Variants in SZT2 observed in about 807,000 individuals in gnomAD.
The protein encoded by SZT2 is KICSTOR complex protein SZT2.
SZT2 carries 216 observed loss-of-function variants against 404.2 expected under a neutral mutation model. That is an observed-to-expected ratio of 0.53 (90% CI 0.48 to 0.60). SZT2 has a LOEUF of 0.60. Among genes scored for constraint, SZT2 ranks in the 20% least tolerant of loss-of-function variants. SZT2 has a pLI of 0.00. For missense variants in SZT2, 3,857 were observed against 4,459.2 expected, an observed-to-expected ratio of 0.86 and a Z score of 3.85; for synonymous variants, 1,693 against 1,749.9, an observed-to-expected ratio of 0.97 and a Z score of 0.81.
In SZT2 at chr1:43,450,458, C is replaced by T; in HGVS notation, c.10277C>T (p.Thr3426Ile). ...TCTGTCATCAACACAGCCTGTTTCACCCTCTGGACCCGCCTCCTCTGAGGG... is the reference window on the plus strand; with the variant it reads ...TCTGTCATCAACACAGCCTGTTTCATCCTCTGGACCCGCCTCCTCTGAGGG... ...LESVINTACF[T>I]LWTRLL Residue 3426 changes from threonine to isoleucine, a missense_variant, in exon 72 of 72, where the codon ACC becomes ATC. Around this residue, in one of 7 missense-constraint regions of SZT2, gnomAD observed 717 missense variants for 868.2 expected, o/e 0.83. Coordinates refer to ENST00000634258, the MANE Select transcript of SZT2 (RefSeq NM_001365999.1). The surrounding 1 kb of genome is among the most constrained non-coding windows in gnomAD (Gnocchi z 4.3). The T allele has an allele frequency of 6.2e-7, 1 of 1,614,132 alleles. No individual in the cohort carries two copies.
rs772931316 is a variant in SZT2, at chr1:43,422,826, A to G, written c.1980A>G (p.Pro660=). Residue 660 remains proline (P), a synonymous_variant, in exon 14 of 72, where the codon CCA becomes CCG. Coordinates refer to ENST00000634258, the MANE Select transcript of SZT2 (RefSeq NM_001365999.1). ...TGGTCCGTATCATTTCCAAGGCCCC[A>G]TGCATGGTTCTTCGCCTGGGTTTTC... The part of the protein sequence containing the change: ...FYMVRIISKA[P]CMVLRLGFPI... 1.9e-6 allele frequency: 3 copies of G among 1,594,216 alleles called. No homozygotes were observed. The highest frequency in any genetic ancestry group is 2.2e-5 in the East Asian group (1 of 44,724).
chr1:43,423,266 C>G lies in SZT2; in HGVS notation c.2205C>G (p.Asp735Glu). Residue 735 changes from aspartate (D) to glutamate (E), a missense_variant, in exon 15 of 72, where the codon GAC (aspartate) becomes GAG (glutamate). Asp to Glu is a conservative substitution (Grantham distance 45). Coordinates refer to ENST00000634258, the MANE Select transcript of SZT2 (RefSeq NM_001365999.1). Reference protein sequence around the residue: ...PVLGPQQALSDRPCLVVLHKP... With the variant: ...PVLGPQQALSERPCLVVLHKP... ...TGGGGCCACAGCAGGCCCTGTCTGA[C>G]CGGCCCTGCCTTGTGGTCCTGCATA... 8 of 1,574,008 alleles carry G rather than the reference C, an allele frequency of 5.1e-6. No individual in the cohort carries two copies. Among genetic ancestry groups the G allele is most frequent in the Non-Finnish European group, 6.9e-6 (8 of 1,167,674 alleles).
chr1:43,394,167 G>A, intron 1 of SZT2: 1 of 751,174 alleles, frequency 1.3e-6, no homozygotes, highest in South Asian at 6.0e-5. Context: ...GAATCACTTG[G>A]AGACCTTGTT....
rs747054096 is a variant in SZT2 at position 43,450,812 on chromosome 1, C to T, written c.*332C>T. 7.1e-6 allele frequency: 5 copies of T among 707,214 alleles called. No individual in the cohort carries two copies. The highest frequency in any genetic ancestry group is 1.3e-5 in the Non-Finnish European group (5 of 381,040). The allele number at this position is 707,214 out of a possible 1,614,324, so 43.8% of individuals were successfully genotyped here. A position where few individuals can be genotyped will look rare whatever the true frequency, so the allele number is the denominator to read the frequency against. ...ACAGGGTGGCAAACACCCCCTAGAG[C>T]TCCTCTGCCTGAATCCTGCCCCCTA... On this transcript the variant is annotated 3_prime_UTR_variant, in exon 72 of 72. Coordinates refer to ENST00000634258, the MANE Select transcript of SZT2 (RefSeq NM_001365999.1). This position sits in a 1 kb window ranked among gnomAD's most constrained non-coding sequence, Gnocchi z 4.3.
intron 4 of SZT2, among the ~76,000 whole-genome samples, chr1:43,408,084 G>T (rs140474301): frequency 1.3e-5 from 2 of 151,796 alleles, no homozygotes; most frequent in African/African-American, 4.8e-5. Flanking sequence ...TGCCCGCCTC[G>T]GCCTCCCAAA....
rs12090766 is a variant in SZT2 at position 43,433,547 on chromosome 1, C to T, written c.5804+357C>T. Among the ~76,000 whole-genome samples the T allele has an allele frequency of 2.5e-3, 382 of 152,236 alleles. 1 individual carries two copies. Among genetic ancestry groups the T allele is most frequent in the African/African-American group, 8.6e-3 (359 of 41,532 alleles). On this transcript the variant is annotated intron_variant, in intron 40 of 71. Transcript: ENST00000634258. ...CCGTAATCCCAGCACTTTGGGAGGC[C>T]GAGGCAGGCGGATCACTTGAGGTTA...
Position 43,416,567 on chromosome 1 carries a change from G to A in SZT2, c.805G>A (p.Val269Ile). The A allele has an allele frequency of 6.3e-7, 1 of 1,598,366 alleles. No homozygotes were observed. The highest frequency in any genetic ancestry group is 8.5e-7 in the Non-Finnish European group (1 of 1,179,786). Reference protein sequence around the residue: ...IIVITDGVTSVPDVAVCETLL... With the variant: ...IIVITDGVTSIPDVAVCETLL... ...CGTGATCACGGATGGGGTGACCAGTGTACCTGATGTTGCTGTCTGTGAGAC... is the reference window on the plus strand; with the variant it reads ...CGTGATCACGGATGGGGTGACCAGTATACCTGATGTTGCTGTCTGTGAGAC... Residue 269 changes from valine (V) to isoleucine (I), a missense_variant, in exon 7 of 72, where the codon GTA becomes ATA. This residue lies in a region of SZT2 where 536 missense variants were observed against 637.4 expected (regional missense o/e 0.84). Transcript: ENST00000634258.
rs72881967 is a variant in SZT2 at position 43,392,626 on chromosome 1, G to A, written c.27+2631G>A. On this transcript the variant is annotated intron_variant, in intron 1 of 71. Transcript: ENST00000634258. Reference sequence around the variant, plus strand: ...AGACGGGGTTTCACCGTGTTAGCCAGATAGTCTCAATCTCCTGTCCTCGTG... The same window carrying A: ...AGACGGGGTTTCACCGTGTTAGCCAAATAGTCTCAATCTCCTGTCCTCGTG... 7.1e-3 allele frequency among the ~76,000 whole-genome samples: 1,084 copies of A among 152,294 alleles called. 10 individuals carry two copies. The highest frequency in any genetic ancestry group is 0.025 in the African/African-American group (1,029 of 41,560).
Position 43,443,250 on chromosome 1 carries a change from G to A in SZT2, c.8482G>A (p.Ala2828Thr). The A allele has an allele frequency of 6.2e-7, 1 of 1,614,166 alleles. No homozygotes were observed. Among genetic ancestry groups the A allele is most frequent in the South Asian group, 1.1e-5 (1 of 91,072 alleles). ...AACCTGGCAGCAGCGTTCTACCCCA[G>A]CCACCATGCCCATCAGTGTGAGTGA... ...FVTWQQRSTPATMPISAGELE... is the reference protein window; with the variant it reads ...FVTWQQRSTPTTMPISAGELE... Residue 2828 changes from alanine to threonine, a missense_variant, in exon 60 of 72, where the codon GCC (alanine) becomes ACC (threonine). Physicochemically the swap from Ala to Thr is moderately conservative, Grantham distance 58. Transcript: ENST00000634258.
In SZT2 at chr1:43,428,099, A is replaced by G. The variant is rs775967418; in HGVS notation, c.3900A>G (p.Ala1300=). 67 of 1,613,988 alleles carry G rather than the reference A, an allele frequency of 4.2e-5. No individual in the cohort carries two copies. The highest frequency in any genetic ancestry group is 5.5e-5 in the Non-Finnish European group (65 of 1,179,986). The change falls in exon 27 of 72, where the codon GCA becomes GCG. Residue 1300 remains alanine (A), a synonymous_variant. Coordinates refer to ENST00000634258, the MANE Select transcript of SZT2 (RefSeq NM_001365999.1). ...ACTGTGCCCTGCTGCAGGAGCATGC[A>G]CAGCGGTGCTATGTCCGTGGTGAGC... The part of the protein sequence containing the change: ...ANHCALLQEH[A]QRCYVRGLFR...
At chr1:43,422,657 C>CCCA in intron 13 of SZT2, 25 bp downstream of exon 13, 1 of 1,250,820 alleles carries the variant, frequency 8.0e-7, no homozygotes, top group South Asian at 1.4e-5. Context: ...GTCCCTTCAC[C>CCCA]CCCCGCCCCC....
intron 1 of SZT2, among the ~76,000 whole-genome samples, chr1:43,400,629 C>T (rs780392524): frequency 3.3e-5 from 5 of 152,132 alleles, no homozygotes; most frequent in Admixed American, 1.3e-4. Context: ...CCCAGCACCT[C>T]GGAAGGCCAA....
intron 42 of SZT2, 141 bp downstream of exon 42, chr1:43,435,470 G>A: frequency 2.1e-6 from 2 of 934,044 alleles, no homozygotes; most frequent in Non-Finnish European, 3.1e-6. Context: ...AAGGAGGATA[G>A]GACAGGAAAG....
rs139371901 is a variant in SZT2, at chr1:43,450,338, C to G, written c.10157C>G (p.Ser3386Cys). Residue 3386 changes from serine to cysteine, a missense_variant and splice_region_variant, in exon 72 of 72, where the codon TCT becomes TGT. This residue lies in a region of SZT2 where 717 missense variants were observed against 868.2 expected (regional missense o/e 0.83). Coordinates refer to ENST00000634258, the MANE Select transcript of SZT2 (RefSeq NM_001365999.1). The surrounding 1 kb of genome is among the most constrained non-coding windows in gnomAD (Gnocchi z 4.3). ...VFLDSHLGKT[S>C]LTVVFREPFP... Reference sequence around the variant, plus strand: ...GCATCCCCACCGTGTTCCCCACAGTCTCTGACAGTGGTTTTCCGAGAGCCC... The same window carrying G: ...GCATCCCCACCGTGTTCCCCACAGTGTCTGACAGTGGTTTTCCGAGAGCCC... 2.2e-5 allele frequency: 36 copies of G among 1,613,984 alleles called. No homozygotes were observed. The highest frequency in any genetic ancestry group is 3.1e-5 in the Non-Finnish European group (36 of 1,180,008).
intron 65 of SZT2, 122 bp downstream of exon 65, chr1:43,446,538 C>G (rs935784701): frequency 4.2e-6 from 5 of 1,193,840 alleles, no homozygotes; most frequent in Non-Finnish European, 6.0e-6. Context: ...GTGATTGATT[C>G]ACTGCTATGG....
chr1:43,432,614 G>A lies in SZT2; in HGVS notation c.5530+10G>A, dbSNP rs777668992. On this transcript the variant is annotated intron_variant, in intron 38 of 71. Coordinates refer to ENST00000634258, the MANE Select transcript of SZT2 (RefSeq NM_001365999.1). ...CGCGTGCCACAGGGAGGTAAGAGAG[G>A]ACTTGGGCAGCAGTCTGGAGGCCAG... 1 of 1,613,876 alleles carries A rather than the reference G, an allele frequency of 6.2e-7. No homozygotes were observed. The highest frequency in any genetic ancestry group is 1.1e-5 in the South Asian group (1 of 91,056).
chr1:43,441,623 C>T lies in SZT2; in HGVS notation c.7609+22C>T. The T allele has an allele frequency of 6.2e-7, 1 of 1,613,986 alleles. No homozygotes were observed. The highest frequency in any genetic ancestry group is 8.5e-7 in the Non-Finnish European group (1 of 1,179,922). ...ATTGGTGAGACCCCAGCCTCCCCTC[C>T]CATCCCTCAACCCCAGCCTGGTCTC... On this transcript the variant is annotated intron_variant, in intron 54 of 71. Transcript: ENST00000634258. This position sits in a 1 kb window ranked among gnomAD's most constrained non-coding sequence, Gnocchi z 4.8.
rs1656582609 is a variant in SZT2 at position 43,452,794 on chromosome 1, G to C, written c.*2314G>C. On this transcript the variant is annotated 3_prime_UTR_variant, in exon 72 of 72. Coordinates refer to ENST00000634258, the MANE Select transcript of SZT2 (RefSeq NM_001365999.1). ...TTGGCCTCTGCAGGATTTGACATTT[G>C]AATCAGCCCCACTTTGAGCCGTCCA... The C allele has an allele frequency of 8.5e-7, 1 of 1,174,826 alleles. No homozygotes were observed. The highest frequency in any genetic ancestry group is 1.5e-5 in the African/African-American group (1 of 66,134). The allele number at this position is 1,174,826 out of a possible 1,614,324, so 72.8% of individuals were successfully genotyped here.
In SZT2 at chr1:43,423,312, A is replaced by C. The variant is rs1652647799; in HGVS notation, c.2251A>C (p.Ile751Leu). 2 of 1,538,350 alleles carry C rather than the reference A, an allele frequency of 1.3e-6. No individual in the cohort carries two copies. Among genetic ancestry groups the C allele is most frequent in the Non-Finnish European group, 1.7e-6 (2 of 1,151,434 alleles). Residue 751 changes from isoleucine to leucine, a missense_variant, in exon 15 of 72, where the codon ATC becomes CTC. By Grantham distance (5) the Ile-to-Leu change is conservative (BLOSUM62 2). Coordinates refer to ENST00000634258, the MANE Select transcript of SZT2 (RefSeq NM_001365999.1). ...VLHKPLDKLLIRYEKLPLDYR... is the reference protein window; with the variant it reads ...VLHKPLDKLLLRYEKLPLDYR... The stretch of plus-strand genomic sequence containing the variant: ...GCATAAGCCACTGGACAAACTGCTC[A>C]TCAGGTTGGTACAGAGGTGTGGAAG...
Sources: allele counts gnomAD v4.1 joint callset (sites outside exome capture counted in the v4.1 genomes callset), GRCh38; gene constraint gnomAD v4.1.1; regional missense constraint gnomAD v4.1.1; non-coding constraint Gnocchi (gnomAD v3.1); transcripts MANE v1.5; gene names NCBI Gene and HGNC (gene_info 2026-07-23, HGNC 2026-07-21).